The following ANKRD28 variants were observed in gnomAD, a reference collection of about 807,000 sequenced individuals.
The protein encoded by ANKRD28 is ankyrin repeat domain 28.
In ANKRD28, 44 loss-of-function variants were observed where a neutral mutation model predicts 126.5. The ratio of observed to expected loss-of-function variants is 0.35; its 90% confidence interval spans 0.27 to 0.45. ANKRD28 has a LOEUF of 0.45. ANKRD28 is among the 20% of genes least tolerant of loss of function. ANKRD28 has a pLI of 1.00. For synonymous variants in ANKRD28, 442 were observed against 468.5 expected (o/e 0.94, Z 0.73); for missense variants, 1,110 against 1,316.6 (o/e 0.84, Z 2.43).
In ANKRD28 at chr3:15,830,199, G is replaced by A. The variant is rs960957916; in HGVS notation, c.27+29178C>T. On this transcript the variant is annotated intron_variant, in intron 1 of 27. Coordinates refer to the ANKRD28 transcript ENST00000399451. The surrounding 1 kb of genome is among the most constrained non-coding windows in gnomAD (Gnocchi z 4.5). The stretch of plus-strand genomic sequence containing the variant: ...ACTATTACTTTTGTACCATTAATGC[G>A]AATGTCGAAGTAAAAAACGCATATA... Among the ~76,000 whole-genome samples the A allele has an allele frequency of 1.3e-5, 2 of 152,110 alleles. No individual in the cohort carries two copies. Among genetic ancestry groups the A allele is most frequent in the Non-Finnish European group, 1.5e-5 (1 of 68,008 alleles).
At chr3:15,765,712 T>C (rs1368243604) in intron 3 of ANKRD28, among the ~76,000 whole-genome samples, 1 of 152,014 alleles carries the variant, frequency 6.6e-6, no homozygotes, top group Non-Finnish European at 1.5e-5. Context: ...TGGAGGCATG[T>C]GCCTGTAATC....
At chr3:15,850,204 A>AAAAAAAATATATAT (rs1486394619) in intron 1 of ANKRD28, among the ~76,000 whole-genome samples, 6 of 54,830 alleles carry the variant, frequency 1.1e-4, no homozygotes, top group Non-Finnish European at 1.9e-4. Flanking sequence ...AAAAAAAAAA[A>AAAAAAAATATATAT]ATATATATAT....
At chr3:15,694,916 T>C (rs1475262653) in intron 16 of ANKRD28, 103 bp from the exon 17 acceptor site, 3 of 1,068,184 alleles carry the variant, frequency 2.8e-6, no homozygotes, top group South Asian at 1.4e-5. Flanking sequence ...ATTTGGCAAC[T>C]CAGCAAACTT....
At chr3:15,790,840 A>G (rs970079064) in intron 2 of ANKRD28, among the ~76,000 whole-genome samples, 1 of 152,180 alleles carries the variant, frequency 6.6e-6, no homozygotes, top group African/African-American at 2.4e-5. Context: ...GGAAGGAAGA[A>G]GTCAAATTAT....
intron 1 of ANKRD28, among the ~76,000 whole-genome samples, chr3:15,827,445 C>A (rs2061092087): frequency 6.6e-6 from 1 of 152,116 alleles, no homozygotes; most frequent in African/African-American, 2.4e-5. Context: ...AGGAGGAAGT[C>A]CTGTCACTGC....
At chr3:15,691,518 G>C (rs1362866061) in intron 17 of ANKRD28, among the ~76,000 whole-genome samples, 1 of 152,106 alleles carries the variant, frequency 6.6e-6, no homozygotes, top group Non-Finnish European at 1.5e-5. Flanking sequence ...ATTTACACTG[G>C]ACTAAATGCT....
upstream of ANKRD28, among the ~76,000 whole-genome samples, chr3:15,798,860 G>A (rs367574002): frequency 2.6e-5 from 4 of 151,842 alleles, no homozygotes; most frequent in African/African-American, 9.7e-5. Context: ...CCTTCAATCT[G>A]TGTTCTTCAT....
Position 15,721,027 on chromosome 3 carries a change from A to G in ANKRD28, c.884T>C (p.Val295Ala), listed in dbSNP as rs199992540. 6.2e-7 allele frequency: 1 copy of G among 1,613,928 alleles called. No homozygotes were observed. Among genetic ancestry groups the G allele is most frequent in the East Asian group, 2.2e-5 (1 of 44,872 alleles). Residue 295 changes from valine (V) to alanine (A), a missense_variant, in exon 8 of 28, where the codon GTG becomes GCG. By Grantham distance (64) the Val-to-Ala change is moderately conservative (BLOSUM62 0). Coordinates refer to ENST00000683139, the MANE Select transcript of ANKRD28 (RefSeq NM_001349278.2). ...VNELIDCGAI[V>A]NQKNEKGFTP... The stretch of plus-strand genomic sequence containing the variant: ...AAATCCTTTTTCATTCTTTTGATTC[A>G]CAATAGCACCACAGTCTATAAGTTC...
chr3:15,783,617 G>T (rs779032045), intron 2 of ANKRD28, among the ~76,000 whole-genome samples: 1 of 151,976 alleles, frequency 6.6e-6, no homozygotes, highest in Non-Finnish European at 1.5e-5. Flanking sequence ...GCACCTAAAT[G>T]TTTACGAAAG....
intron 4 of ANKRD28, among the ~76,000 whole-genome samples, chr3:15,744,360 C>T (rs963107130): frequency 2.0e-5 from 3 of 151,986 alleles, no homozygotes; most frequent in Non-Finnish European, 4.4e-5. Context: ...GTCACCCAGG[C>T]TGGAGCGCAA....
At chr3:15,718,095 TA>T (rs2073283472) in intron 8 of ANKRD28, among the ~76,000 whole-genome samples, 4 of 152,166 alleles carry the variant, frequency 2.6e-5, no homozygotes, top group Admixed American at 2.6e-4. Context: ...TTACAAATTA[TA>T]AAAAATACAG....
intron 3 of ANKRD28, among the ~76,000 whole-genome samples, chr3:15,759,585 G>C (rs1482851455): frequency 6.6e-6 from 1 of 152,106 alleles, no homozygotes; most frequent in Non-Finnish European, 1.5e-5. Flanking sequence ...AAGAATTCTG[G>C]ACTGCAAGTT....
chr3:15,702,467 A>C (rs2070755860), intron 14 of ANKRD28, among the ~76,000 whole-genome samples: 1 of 152,226 alleles, frequency 6.6e-6, no homozygotes, highest in Admixed American at 6.5e-5. Flanking sequence ...CTCTGAAATA[A>C]AATATATACA....
exon 1 of ANKRD28, chr3:15,859,458 C>G (rs1290771590): frequency 9.7e-5 from 143 of 1,473,014 alleles, no homozygotes; most frequent in Non-Finnish European, 1.1e-4. Flanking sequence ...CTGCCGCTGC[C>G]GCCGCCGACC....
chr3:15,728,025 GC>G (rs1316803360), intron 6 of ANKRD28, among the ~76,000 whole-genome samples: 1 of 152,202 alleles, frequency 6.6e-6, no homozygotes, highest in East Asian at 1.9e-4. Flanking sequence ...GTCCATCGAT[GC>G]AGCACATCTT....
intron 27 of ANKRD28, among the ~76,000 whole-genome samples, chr3:15,675,464 G>C (rs2066839231): frequency 6.6e-6 from 1 of 152,130 alleles, no homozygotes. Context: ...AATACAGGAA[G>C]AGAGCGAAAA....
At chr3:15,727,267 C>T (rs562525095) in intron 6 of ANKRD28, among the ~76,000 whole-genome samples, 2 of 152,228 alleles carry the variant, frequency 1.3e-5, no homozygotes, top group East Asian at 3.9e-4. Flanking sequence ...AAGGATTCAT[C>T]ATTCTAGATG....
intron 1 of ANKRD28, among the ~76,000 whole-genome samples, chr3:15,807,047 C>T (rs976771206): frequency 4.6e-5 from 7 of 152,160 alleles, no homozygotes; most frequent in Non-Finnish European, 1.0e-4. Flanking sequence ...CATATATGAC[C>T]TACGCTCCTT....
rs1553650054 is a variant in ANKRD28 at position 15,850,204 on chromosome 3, A to ATATATATATATATATATATAT, written c.27+9172_27+9173insATATATATATATATATATATA. ...TCTACATGCAATAAAAAAAAAAAAA[A>ATATATATATATATATATATAT]ATATATATATATATATATATAGAGA... On this transcript the variant is annotated intron_variant, in intron 1 of 27. Transcript: ENST00000399451. 2.0e-4 allele frequency among the ~76,000 whole-genome samples: 11 copies of ATATATATATATATATATATAT among 54,832 alleles called. 1 individual carries two copies. Among genetic ancestry groups the ATATATATATATATATATATAT allele is most frequent in the Non-Finnish European group, 4.2e-4 (11 of 25,974 alleles). 36.0% of individuals were successfully genotyped at this position (54,832 alleles called of 152,430 possible).
Sources: allele counts gnomAD v4.1 joint callset (sites outside exome capture counted in the v4.1 genomes callset), GRCh38; gene constraint gnomAD v4.1.1; non-coding constraint Gnocchi (gnomAD v3.1); transcripts MANE v1.5; gene names NCBI Gene and HGNC (gene_info 2026-07-23, HGNC 2026-07-21).